The following BLZF1 variants were observed in gnomAD, a reference collection of about 807,000 sequenced individuals.
BLZF1 encodes the protein golgin-45.
Under a neutral mutation model 43.8 loss-of-function variants are expected in BLZF1, and 39 were observed. That is an observed-to-expected ratio of 0.89 (90% CI 0.69 to 1.16). BLZF1 has a LOEUF of 1.16. Ranked by LOEUF, BLZF1 falls within the 50% of genes most tolerant of loss-of-function variation. The pLI is 0.00. For missense variants in BLZF1, 449 were observed against 469.8 expected (o/e 0.96, Z 0.41); for synonymous variants, 136 against 159.4 (o/e 0.85, Z 1.11).
At chr1:169,386,695 AG>A (rs1231387008) in intron 6 of BLZF1, among the ~76,000 whole-genome samples, 39 of 151,074 alleles carry the variant, frequency 2.6e-4, no homozygotes, top group Non-Finnish European at 5.6e-4. Flanking sequence ...AAAAAAAAAA[AG>A]ACATAATGAT....
In BLZF1 at chr1:169,387,975, C is replaced by T. The variant is rs1262637522; in HGVS notation, c.*793C>T. 1 of 151,978 alleles carries T rather than the reference C, an allele frequency of 6.6e-6. No individual in the cohort carries two copies. The highest frequency in any genetic ancestry group is 2.4e-5 in the African/African-American group (1 of 41,382). The allele number at this position is 151,978 out of a possible 1,614,324, so 9.4% of individuals were successfully genotyped here. ...TAGCAAATGCAACAGACAAGAATAT[C>T]CAACTTGATATTTATAAAAGGTAGA... On this transcript the variant is annotated 3_prime_UTR_variant, in exon 7 of 7. Coordinates refer to ENST00000367808, the MANE Select transcript of BLZF1 (RefSeq NM_001320973.2).
In BLZF1 at chr1:169,387,366, A is replaced by G; in HGVS notation, c.*184A>G. 1.9e-6 allele frequency: 1 copy of G among 526,194 alleles called. No individual in the cohort carries two copies. The highest frequency in any genetic ancestry group is 3.4e-5 in the East Asian group (1 of 29,080). The allele number at this position is 526,194 out of a possible 1,614,324, so 32.6% of individuals were successfully genotyped here. ...CTTTCTTAATAAATATCTCAGGGTAAGGAAAGAAAGAAACTGTATAGATAT... is the reference window on the plus strand; with the variant it reads ...CTTTCTTAATAAATATCTCAGGGTAGGGAAAGAAAGAAACTGTATAGATAT... On this transcript the variant is annotated 3_prime_UTR_variant, in exon 7 of 7. Coordinates refer to ENST00000367808, the MANE Select transcript of BLZF1 (RefSeq NM_001320973.2).
intron 2 of BLZF1, among the ~76,000 whole-genome samples, chr1:169,374,675 A>T (rs1654241683): frequency 6.6e-6 from 1 of 152,154 alleles, no homozygotes; most frequent in Non-Finnish European, 1.5e-5. Context: ...TAAATCTGTT[A>T]CTTGAATAAA....
rs370508450 is a variant in BLZF1, at chr1:169,378,344, A to G, written c.483A>G (p.Leu161=). Residue 161 remains leucine (L), a synonymous_variant, in exon 4 of 7, where the codon TTA becomes TTG. Transcript: ENST00000367808. The part of the protein sequence containing the change: ...LRVQTEVNRE[L]KKLLVASVGD... ...TTCTCTTCTAGGTAAATCGTGAGTT[A>G]AAAAAGTTACTGGTGGCTTCTGTTG... The G allele has an allele frequency of 6.2e-7, 1 of 1,612,512 alleles. No individual in the cohort carries two copies. The highest frequency in any genetic ancestry group is 2.2e-5 in the East Asian group (1 of 44,852).
chr1:169,386,975 CAT>C lies in BLZF1; in HGVS notation c.1018-21_1018-20del. ...TACCATCTATATTGCATACTTCTGACATTATATCTTATTTTCCTTAGGTTCTA... is the reference window on the plus strand; with the variant it reads ...TACCATCTATATTGCATACTTCTGACTATATCTTATTTTCCTTAGGTTCTA... On this transcript the variant is annotated intron_variant, in intron 6 of 6. Coordinates refer to ENST00000367808, the MANE Select transcript of BLZF1 (RefSeq NM_001320973.2). 6.4e-7 allele frequency: 1 copy of C among 1,551,622 alleles called. No individual in the cohort carries two copies. Among genetic ancestry groups the C allele is most frequent in the Non-Finnish European group, 8.8e-7 (1 of 1,132,142 alleles).
At chr1:169,389,526 G>T (rs997114437), downstream of BLZF1, among the ~76,000 whole-genome samples, 1 of 152,172 alleles carries the variant, frequency 6.6e-6, no homozygotes, top group Non-Finnish European at 1.5e-5. Context: ...TTGTGGGAAT[G>T]TAAAATGTTG....
At position 169,376,895 on chromosome 1, in the gene BLZF1, T is replaced by G. The variant is rs781747448; in HGVS notation, c.384T>G (p.Asn128Lys). 1 of 1,613,212 alleles carries G rather than the reference T, an allele frequency of 6.2e-7. No individual in the cohort carries two copies. Among genetic ancestry groups the G allele is most frequent in the Non-Finnish European group, 8.5e-7 (1 of 1,179,498 alleles). Residue 128 changes from asparagine (N) to lysine (K), a missense_variant, in exon 3 of 7, where the codon AAT becomes AAG. Asn to Lys is a moderately conservative substitution (Grantham distance 94). Coordinates refer to ENST00000367808, the MANE Select transcript of BLZF1 (RefSeq NM_001320973.2). ...ATAAGGAACTCTCAGAGGTAAAGAATGTATTGGAAAAGCTCAAGAATTCTG... is the reference window on the plus strand; with the variant it reads ...ATAAGGAACTCTCAGAGGTAAAGAAGGTATTGGAAAAGCTCAAGAATTCTG... ...EPNKELSEVK[N>K]VLEKLKNSER...
At position 169,376,891 on chromosome 1, in the gene BLZF1, A is replaced by G; in HGVS notation, c.380A>G (p.Lys127Arg). The G allele has an allele frequency of 6.2e-7, 1 of 1,613,324 alleles. No homozygotes were observed. ...CCTAATAAGGAACTCTCAGAGGTAA[A>G]GAATGTATTGGAAAAGCTCAAGAAT... ...IEPNKELSEV[K>R]NVLEKLKNSE... Residue 127 changes from lysine (K) to arginine (R), a missense_variant, in exon 3 of 7, where the codon AAG becomes AGG. Physicochemically the swap from Lys to Arg is conservative, Grantham distance 26. Coordinates refer to ENST00000367808, the MANE Select transcript of BLZF1 (RefSeq NM_001320973.2).
rs916040221 is a variant in BLZF1, at chr1:169,374,010, A to C, written c.29-2530A>C. Among the ~76,000 whole-genome samples the C allele has an allele frequency of 3.3e-5, 5 of 152,216 alleles. No homozygotes were observed. The East Asian group carries it at 9.7e-4, about 29-fold the overall frequency. On this transcript the variant is annotated intron_variant, in intron 2 of 6. Transcript: ENST00000367808. Reference sequence around the variant, plus strand: ...TTCTGTGTTACTTCTTAAATGCCAGAATGTCTTATTGACAAGATTAGACAA... The same window carrying C: ...TTCTGTGTTACTTCTTAAATGCCAGCATGTCTTATTGACAAGATTAGACAA...
intron 4 of BLZF1, among the ~76,000 whole-genome samples, chr1:169,380,060 A>G (rs1654477686): frequency 6.6e-6 from 1 of 151,964 alleles, no homozygotes; most frequent in Non-Finnish European, 1.5e-5. Context: ...AAGACTTTAT[A>G]TAAATCTTTT....
chr1:169,380,450 A>G, intron 4 of BLZF1, 31 bp from the exon 5 acceptor site: 1 of 1,597,740 alleles, frequency 6.3e-7, no homozygotes, highest in Non-Finnish European at 8.6e-7. Flanking sequence ...ATTGTCAGCA[A>G]ATTTATATGT....
chr1:169,395,340 G>T, intron 7 of BLZF1: 1 of 717,166 alleles, frequency 1.4e-6, no homozygotes, highest in Non-Finnish European at 2.0e-6. Context: ...AAATTTTTAA[G>T]TATTAACTGA....
chr1:169,391,394 C>A (rs544169475), downstream of BLZF1, among the ~76,000 whole-genome samples: 220 of 152,268 alleles, frequency 1.4e-3, no homozygotes, highest in African/African-American at 5.1e-3. Context: ...CTGGGATCCC[C>A]CTAAAGACTG....
At chr1:169,377,107 G>T in intron 3 of BLZF1, 128 bp downstream of exon 3, 1 of 788,642 alleles carries the variant, frequency 1.3e-6, no homozygotes, top group Non-Finnish European at 2.0e-6. Context: ...TCTCTAAAAT[G>T]CTTCCTCTTA....
chr1:169,395,593 G>A (rs2102030851), intron 7 of BLZF1, among the ~76,000 whole-genome samples: 1 of 152,194 alleles, frequency 6.6e-6, no homozygotes, highest in East Asian at 1.9e-4. Context: ...ACTTAGCTAG[G>A]TTAAGAATAC....
At chr1:169,377,750 G>T (rs1654404420) in intron 3 of BLZF1, among the ~76,000 whole-genome samples, 1 of 151,818 alleles carries the variant, frequency 6.6e-6, no homozygotes, top group African/African-American at 2.4e-5. Flanking sequence ...TTAATGTTCT[G>T]CCATGTCACA....
At position 169,376,597 on chromosome 1, in the gene BLZF1, C is replaced by G; in HGVS notation, c.86C>G (p.Pro29Arg). The G allele has an allele frequency of 6.2e-7, 1 of 1,612,160 alleles. No individual in the cohort carries two copies. The highest frequency in any genetic ancestry group is 8.5e-7 in the Non-Finnish European group (1 of 1,179,228). ...GAGDGMETEE[P>R]PKSVEVTSGV... The stretch of plus-strand genomic sequence containing the variant: ...GGAGATGGAATGGAAACTGAGGAAC[C>G]ACCTAAATCTGTTGAAGTTACCTCC... The change falls in exon 3 of 7, where the codon CCA becomes CGA. Residue 29 changes from proline (P) to arginine (R), a missense_variant. Coordinates refer to ENST00000367808, the MANE Select transcript of BLZF1 (RefSeq NM_001320973.2).
At position 169,378,348 on chromosome 1, in the gene BLZF1, A is replaced by C. The variant is rs575616259; in HGVS notation, c.487A>C (p.Lys163Gln). The C allele has an allele frequency of 6.8e-6, 11 of 1,612,680 alleles. No individual in the cohort carries two copies. The South Asian group carries it at 8.8e-5, about 13-fold the overall frequency. The change falls in exon 4 of 7, where the codon AAG becomes CAG. Residue 163 changes from lysine to glutamine, a missense_variant. Physicochemically the swap from Lys to Gln is moderately conservative, Grantham distance 53. Transcript: ENST00000367808. Reference protein sequence around the residue: ...VQTEVNRELKKLLVASVGDDL... With the variant: ...VQTEVNRELKQLLVASVGDDL... Reference sequence around the variant, plus strand: ...CTTCTAGGTAAATCGTGAGTTAAAAAAGTTACTGGTGGCTTCTGTTGGGGA... The same window carrying C: ...CTTCTAGGTAAATCGTGAGTTAAAACAGTTACTGGTGGCTTCTGTTGGGGA...
intron 7 of BLZF1, chr1:169,395,231 T>A: frequency 6.3e-7 from 1 of 1,597,452 alleles, no homozygotes; most frequent in Non-Finnish European, 8.5e-7. Flanking sequence ...ATGATCAGAT[T>A]TGGTGAGTAT....
Sources: allele counts gnomAD v4.1 joint callset (sites outside exome capture counted in the v4.1 genomes callset), GRCh38; gene constraint gnomAD v4.1.1; transcripts MANE v1.5; gene names NCBI Gene and HGNC (gene_info 2026-07-23, HGNC 2026-07-21).